Variants in DOCK5 observed in about 807,000 individuals in gnomAD.
DOCK5 encodes the protein dedicator of cytokinesis 5, also known as dedicator of cytokinesis protein 5.
A neutral mutation model predicts 251.8 loss-of-function variants in DOCK5; 142 were observed. The observed-to-expected ratio is 0.56, with a 90% CI of 0.49 to 0.65. DOCK5 has a LOEUF of 0.65. Ranked by LOEUF, DOCK5 falls within the 30% of genes least tolerant of loss-of-function variation. DOCK5 has a pLI of 0.00. For missense variants in DOCK5, 2,111 were observed against 2,312.3 expected (o/e 0.91, Z 1.79); for synonymous variants, 842 against 835.5 (o/e 1.01, Z -0.13).
chr8:25,406,114 A>G (rs192204352), intron 48 of DOCK5, among the ~76,000 whole-genome samples: 235 of 152,128 alleles, frequency 1.5e-3, no homozygotes, highest in Non-Finnish European at 2.6e-3. Flanking sequence ...GCCCGCCACC[A>G]TGCCCGACTA....
chr8:25,231,859 A>G (rs949307034), intron 1 of DOCK5, among the ~76,000 whole-genome samples: 1 of 152,222 alleles, frequency 6.6e-6, no homozygotes, highest in African/African-American at 2.4e-5. Context: ...ACAGGTTTTT[A>G]TTATGAATAG....
rs113940021 is a variant in DOCK5, at chr8:25,390,305, T to TAA, written c.4355+31_4355+32dup. The TAA allele has an allele frequency of 5.1e-5, 69 of 1,363,508 alleles. No individual in the cohort carries two copies. Among genetic ancestry groups the TAA allele is most frequent in the East Asian group, 1.1e-4 (4 of 37,138 alleles). 84.5% of individuals were successfully genotyped at this position (1,363,508 alleles called of 1,614,324 possible). A position where few individuals can be genotyped will look rare whatever the true frequency, so the allele number is the denominator to read the frequency against. On this transcript the variant is annotated intron_variant, in intron 42 of 51. Coordinates refer to ENST00000276440, the MANE Select transcript of DOCK5 (RefSeq NM_024940.8). The stretch of plus-strand genomic sequence containing the variant: ...ATCTTAAAGTAAGTGGTTTTTCATT[T>TAA]AAAAAAAAAAAAAATCTGTGTCTAG...
intron 27 of DOCK5, among the ~76,000 whole-genome samples, chr8:25,355,125 T>G (rs888211535): frequency 2.0e-5 from 3 of 152,102 alleles, no homozygotes; most frequent in Admixed American, 6.5e-5. Context: ...CCCCAGCTGC[T>G]TAGGAGGATG....
At chr8:25,376,211 C>G (rs1259791294) in intron 37 of DOCK5, 3 of 984,786 alleles carry the variant, frequency 3.0e-6, no homozygotes, top group Non-Finnish European at 3.6e-6. Flanking sequence ...GTGTCTGTAA[C>G]TGTAGGTCTT....
Position 25,351,827 on chromosome 8 carries a change from G to GT in DOCK5, c.2850+2dup, listed in dbSNP as rs1563212152. 6.2e-7 allele frequency: 1 copy of GT among 1,612,974 alleles called. No individual in the cohort carries two copies. Among genetic ancestry groups the GT allele is most frequent in the South Asian group, 1.1e-5 (1 of 90,900 alleles). ...GATGAACCGGCAGTCTCCCCACATC[G>GT]TGAGTATCTCTTTGTTGGATCCCAC... On this transcript the variant is annotated splice_donor_variant, in intron 27 of 51. Coordinates refer to ENST00000276440, the MANE Select transcript of DOCK5 (RefSeq NM_024940.8). LOFTEE classifies it high-confidence loss of function.
chr8:25,376,556 A>G (rs1404082734), intron 37 of DOCK5: 5 of 220,272 alleles, frequency 2.3e-5, no homozygotes, highest in African/African-American at 1.2e-4. Flanking sequence ...TTTCCTACCT[A>G]TTCCTTTTTG....
chr8:25,194,546 T>C (rs143533218), intron 1 of DOCK5, among the ~76,000 whole-genome samples: 1 of 152,138 alleles, frequency 6.6e-6, no homozygotes, highest in Non-Finnish European at 1.5e-5. Context: ...TGATAACAAG[T>C]GATCTCATCC....
chr8:25,355,738 C>G (rs922353176), intron 27 of DOCK5, among the ~76,000 whole-genome samples: 7 of 152,196 alleles, frequency 4.6e-5, no homozygotes, highest in Non-Finnish European at 1.0e-4. Context: ...GCATGAGCCA[C>G]TGCACCCAGC....
chr8:25,218,721 A>G (rs534249269), intron 1 of DOCK5, among the ~76,000 whole-genome samples: 15 of 152,330 alleles, frequency 9.8e-5, no homozygotes, highest in African/African-American at 2.9e-4. Flanking sequence ...ATTTGTCACA[A>G]TTAAGGACTG....
At chr8:25,248,844 G>C (rs930553258) in intron 2 of DOCK5, among the ~76,000 whole-genome samples, 21 of 151,704 alleles carry the variant, frequency 1.4e-4, no homozygotes, top group Admixed American at 2.0e-4. Context: ...CTGGTGTAGA[G>C]AGTAAGGGGG....
At chr8:25,334,669 G>A (rs931233291) in intron 21 of DOCK5, among the ~76,000 whole-genome samples, 2 of 151,558 alleles carry the variant, frequency 1.3e-5, no homozygotes, top group Admixed American at 6.6e-5. Context: ...CTGTGATCAT[G>A]CCATTGCACT....
In DOCK5 at chr8:25,382,720, C is replaced by T; in HGVS notation, c.4073C>T (p.Pro1358Leu). The change falls in exon 40 of 52, where the codon CCT becomes CTT. Residue 1358 changes from proline to leucine, a missense_variant. Pro to Leu is a moderately conservative substitution (Grantham distance 98). Transcript: ENST00000276440. ...FYENIIKAMR[P>L]QPEYFAVGYY... Reference sequence around the variant, plus strand: ...GAGAACATCATTAAGGCAATGAGGCCTCAGCCTGAATACTTTGCTGTTGGA... The same window carrying T: ...GAGAACATCATTAAGGCAATGAGGCTTCAGCCTGAATACTTTGCTGTTGGA... The T allele has an allele frequency of 6.2e-7, 1 of 1,613,640 alleles. No individual in the cohort carries two copies. Among genetic ancestry groups the T allele is most frequent in the Non-Finnish European group, 8.5e-7 (1 of 1,179,800 alleles).
At chr8:25,224,572 T>C (rs1359429690) in intron 1 of DOCK5, among the ~76,000 whole-genome samples, 1 of 152,200 alleles carries the variant, frequency 6.6e-6, no homozygotes, top group Non-Finnish European at 1.5e-5. Flanking sequence ...ACAAATGAAG[T>C]AAGAACGCTT....
At chr8:25,261,235 A>G (rs1379096484) in intron 2 of DOCK5, among the ~76,000 whole-genome samples, 1 of 151,680 alleles carries the variant, frequency 6.6e-6, no homozygotes, top group Admixed American at 6.6e-5. Context: ...TTTTCTTTCC[A>G]TTATTAAGTA....
intron 5 of DOCK5, among the ~76,000 whole-genome samples, chr8:25,286,975 C>A (rs2709626): frequency 0.66 from 100,926 of 152,006 alleles, 36,780 homozygotes; most frequent in Non-Finnish European, 0.83. Flanking sequence ...ACCATTCTAC[C>A]CATCCCTGTG....
At chr8:25,215,932 TACACACACACACACACAC>T (rs199685009) in intron 1 of DOCK5, among the ~76,000 whole-genome samples, 1 of 141,168 alleles carries the variant, frequency 7.1e-6, no homozygotes, top group Non-Finnish European at 1.6e-5. Flanking sequence ...TGGAAATAAA[TACACACACACACACACAC>T]ACACACACAC....
chr8:25,286,326 G>T (rs1481820016), intron 5 of DOCK5, among the ~76,000 whole-genome samples: 1 of 152,186 alleles, frequency 6.6e-6, no homozygotes, highest in East Asian at 1.9e-4. Flanking sequence ...AGTTAATCAG[G>T]AAGCTGCCTG....
intron 38 of DOCK5, among the ~76,000 whole-genome samples, chr8:25,379,596 A>G (rs941626098): frequency 6.6e-6 from 1 of 152,212 alleles, no homozygotes; most frequent in Non-Finnish European, 1.5e-5. Flanking sequence ...TAACACAATT[A>G]TCATAGTGGT....
At chr8:25,324,437 C>T (rs1358930846) in intron 17 of DOCK5, among the ~76,000 whole-genome samples, 1 of 152,330 alleles carries the variant, frequency 6.6e-6, no homozygotes, top group East Asian at 1.9e-4. Context: ...TGATGCTGAG[C>T]TCCCACTTCT....
Sources: allele counts gnomAD v4.1 joint callset (sites outside exome capture counted in the v4.1 genomes callset), GRCh38; gene constraint gnomAD v4.1.1; transcripts MANE v1.5; gene names NCBI Gene and HGNC (gene_info 2026-07-23, HGNC 2026-07-21).